The following PRDM2 variants were observed in gnomAD, a reference collection of about 807,000 sequenced individuals.
PRDM2 encodes the protein PR/SET domain 2.
Under a neutral mutation model 130.0 loss-of-function variants are expected in PRDM2, and 30 were observed. The ratio of observed to expected loss-of-function variants is 0.23; its 90% confidence interval spans 0.17 to 0.31. The LOEUF is 0.31. Ranked by LOEUF, PRDM2 falls within the 10% of genes least tolerant of loss-of-function variation. PRDM2 has a pLI of 1.00. For missense variants in PRDM2, 2,011 were observed against 2,108.4 expected, an observed-to-expected ratio of 0.95 and a Z score of 0.90; for synonymous variants, 871 against 782.4, an observed-to-expected ratio of 1.11 and a Z score of -1.89.
chr1:13,783,114 A>C, intron 8 of PRDM2: 1 of 645,444 alleles, frequency 1.5e-6, no homozygotes, highest in Admixed American at 2.7e-5. Context: ...AAAGTACTCT[A>C]AGAAAAGATG....
intron 3 of PRDM2, among the ~76,000 whole-genome samples, chr1:13,732,174 C>T (rs1346028536): frequency 6.6e-6 from 1 of 152,098 alleles, no homozygotes; most frequent in Non-Finnish European, 1.5e-5. Context: ...ATAGAAACAA[C>T]CCTAAGAATA....
intron 5 of PRDM2, among the ~76,000 whole-genome samples, chr1:13,743,663 T>C (rs1214633406): frequency 6.6e-6 from 1 of 152,242 alleles, no homozygotes; most frequent in Non-Finnish European, 1.5e-5. Context: ...AGCTTTGCAG[T>C]GTGCTGTGTT....
At chr1:13,764,988 G>A (rs903177498) in intron 6 of PRDM2, among the ~76,000 whole-genome samples, 2 of 152,192 alleles carry the variant, frequency 1.3e-5, no homozygotes, top group Non-Finnish European at 2.9e-5. Context: ...GGAAACTATA[G>A]AAAATGCATG....
Position 13,782,005 on chromosome 1 carries a change from A to G in PRDM2, c.4210A>G (p.Asn1404Asp). ...FRRMGQPKRLNFSVELSKMSS... is the reference protein window; with the variant it reads ...FRRMGQPKRLDFSVELSKMSS... ...ACGAATGGGACAGCCCAAAAGGCTTAACTTTAGTGTTGAGCTCAGCAAAAT... is the reference window on the plus strand; with the variant it reads ...ACGAATGGGACAGCCCAAAAGGCTTGACTTTAGTGTTGAGCTCAGCAAAAT... The change falls in exon 8 of 10, where the codon AAC (asparagine) becomes GAC (aspartate). Residue 1404 changes from asparagine to aspartate, a missense_variant. Asn to Asp is a conservative substitution (Grantham distance 23). This residue lies in a region of PRDM2 where 410 missense variants were observed against 395.9 expected (regional missense o/e 1.04). Transcript: ENST00000311066. 6.2e-7 allele frequency: 1 copy of G among 1,614,224 alleles called. No individual in the cohort carries two copies. The highest frequency in any genetic ancestry group is 8.5e-7 in the Non-Finnish European group (1 of 1,180,036).
In PRDM2 at chr1:13,812,951, G is replaced by C. The variant is rs946934724; in HGVS notation, c.5037-3476G>C. On this transcript the variant is annotated intron_variant, in intron 8 of 9. Coordinates refer to ENST00000311066, the MANE Select transcript of PRDM2 (RefSeq NM_001393986.1). ...CCGAGGCTCCGAGGCCGAGCGACAG[G>C]GAGTGGCTTACCCTGGGCCATACAG... Among the ~76,000 whole-genome samples the C allele has an allele frequency of 1.6e-4, 25 of 152,132 alleles. 1 individual carries two copies. Among genetic ancestry groups the C allele is most frequent in the Admixed American group, 5.9e-4 (9 of 15,278 alleles).
Position 13,780,888 on chromosome 1 carries a change from C to G in PRDM2, c.3093C>G (p.Pro1031=), listed in dbSNP as rs1372878421. 6.2e-7 allele frequency: 1 copy of G among 1,613,402 alleles called. No homozygotes were observed. Among genetic ancestry groups the G allele is most frequent in the East Asian group, 2.2e-5 (1 of 44,856 alleles). The stretch of plus-strand genomic sequence containing the variant: ...TGTCCCCAACAGTGTCCCCCTCTCC[C>G]TCTCCCATTCCTCCCGTGGAGCCCC... ...PILSPTVSPS[P]SPIPPVEPLM... is the part of the protein sequence containing the mutation. Residue 1031 remains proline, a synonymous_variant, in exon 8 of 10, where the codon CCC becomes CCG. Coordinates refer to ENST00000311066, the MANE Select transcript of PRDM2 (RefSeq NM_001393986.1).
Position 13,780,680 on chromosome 1 carries a change from C to A in PRDM2, c.2885C>A (p.Pro962His). ...QTPSLSSGQL[P>H]PLLIPTDPSS... ...CCCTCCCTTTCATCCGGTCAGCTGCCTCCTCTCTTGATCCCCACAGATCCC... is the reference window on the plus strand; with the variant it reads ...CCCTCCCTTTCATCCGGTCAGCTGCATCCTCTCTTGATCCCCACAGATCCC... The change falls in exon 8 of 10, where the codon CCT (proline) becomes CAT (histidine). Residue 962 changes from proline (P) to histidine (H), a missense_variant. Physicochemically the swap from Pro to His is moderately conservative, Grantham distance 77. This residue lies in a region of PRDM2 where 1,288 missense variants were observed against 1,237.7 expected (regional missense o/e 1.04). Coordinates refer to ENST00000311066, the MANE Select transcript of PRDM2 (RefSeq NM_001393986.1). 6.2e-7 allele frequency: 1 copy of A among 1,610,622 alleles called. No individual in the cohort carries two copies. Among genetic ancestry groups the A allele is most frequent in the Non-Finnish European group, 8.5e-7 (1 of 1,178,130 alleles).
intron 9 of PRDM2, among the ~76,000 whole-genome samples, chr1:13,818,132 G>A (rs894040266): frequency 6.6e-6 from 1 of 152,206 alleles, no homozygotes; most frequent in Non-Finnish European, 1.5e-5. Flanking sequence ...ATCCTGGTGG[G>A]TGTGACCAGG....
Position 13,823,196 on chromosome 1 carries a change from C to A in PRDM2, c.*61C>A, listed in dbSNP as rs756843208. 3.7e-6 allele frequency: 6 copies of A among 1,613,384 alleles called. No homozygotes were observed. The highest frequency in any genetic ancestry group is 5.1e-6 in the Non-Finnish European group (6 of 1,179,424). On this transcript the variant is annotated 3_prime_UTR_variant, in exon 10 of 10. Transcript: ENST00000311066. ...CCTGGAATCAGTGAAGCCAAAGGGACTGGCAGTCTGCCCTGCAGGGAGTAC... is the reference window on the plus strand; with the variant it reads ...CCTGGAATCAGTGAAGCCAAAGGGAATGGCAGTCTGCCCTGCAGGGAGTAC...
intron 9 of PRDM2, 131 bp downstream of exon 9, chr1:13,816,701 A>C (rs1645264357): frequency 8.0e-7 from 1 of 1,249,606 alleles, no homozygotes; most frequent in South Asian, 1.5e-5. Flanking sequence ...GGCACGGTGC[A>C]GGGCCTCCCT....
chr1:13,730,721 G>A (rs530624128), intron 2 of PRDM2, among the ~76,000 whole-genome samples: 2 of 152,322 alleles, frequency 1.3e-5, no homozygotes, highest in East Asian at 3.9e-4. Flanking sequence ...AAGCAGTATG[G>A]TGGCAGAGAT....
At chr1:13,792,168 T>C (rs749542157) in intron 8 of PRDM2, among the ~76,000 whole-genome samples, 3 of 152,230 alleles carry the variant, frequency 2.0e-5, no homozygotes, top group Non-Finnish European at 4.4e-5. Flanking sequence ...TATTTCCTTA[T>C]TCATGTTTAA....
chr1:13,779,674 G>A lies in PRDM2; in HGVS notation c.1879G>A (p.Glu627Lys). 1 of 1,614,058 alleles carries A rather than the reference G, an allele frequency of 6.2e-7. No homozygotes were observed. ...CCCTGTAACAGAAGATCTTCCTAAA[G>A]AGCCTTTGGGCAGCACAAATAGTGA... ...QVPVTEDLPK[E>K]PLGSTNSEAK... Residue 627 changes from glutamate (E) to lysine (K), a missense_variant, in exon 8 of 10, where the codon GAG (glutamate) becomes AAG (lysine). Glu to Lys is a moderately conservative substitution (Grantham distance 56, BLOSUM62 1). Coordinates refer to ENST00000311066, the MANE Select transcript of PRDM2 (RefSeq NM_001393986.1). The surrounding 1 kb of genome is among the most constrained non-coding windows in gnomAD (Gnocchi z 4.9).
At chr1:13,724,193 G>A (rs750509889) in intron 2 of PRDM2, among the ~76,000 whole-genome samples, 7 of 152,118 alleles carry the variant, frequency 4.6e-5, no homozygotes, top group Non-Finnish European at 8.8e-5. Context: ...TAAAGTATTG[G>A]GAACTTTTCT....
At chr1:13,793,293 CAATGGCT>C (rs1461988151) in intron 8 of PRDM2, among the ~76,000 whole-genome samples, 2 of 152,248 alleles carry the variant, frequency 1.3e-5, no homozygotes, top group Non-Finnish European at 1.5e-5. Flanking sequence ...AGTGAGGATC[CAATGGCT>C]GATGGCTGTG....
rs761320613 is a variant in PRDM2, at chr1:13,780,842, C to T, written c.3047C>T (p.Ala1016Val). 2 of 1,607,690 alleles carry T rather than the reference C, an allele frequency of 1.2e-6. No homozygotes were observed. Among genetic ancestry groups the T allele is most frequent in the Non-Finnish European group, 1.7e-6 (2 of 1,175,336 alleles). The change falls in exon 8 of 10, where the codon GCA (alanine) becomes GTA (valine). Residue 1016 changes from alanine (A) to valine (V), a missense_variant. Physicochemically the swap from Ala to Val is moderately conservative, Grantham distance 64. Coordinates refer to ENST00000311066, the MANE Select transcript of PRDM2 (RefSeq NM_001393986.1). ...CCCTCTCCACTCTCAAATGCCACCGCACAGTCCCCACTTCCAATTCTGTCC... is the reference window on the plus strand; with the variant it reads ...CCCTCTCCACTCTCAAATGCCACCGTACAGTCCCCACTTCCAATTCTGTCC... ...PCPSPLSNAT[A>V]QSPLPILSPT...
At chr1:13,758,566 T>A (rs962742824) in intron 6 of PRDM2, among the ~76,000 whole-genome samples, 1 of 152,192 alleles carries the variant, frequency 6.6e-6, no homozygotes, top group Non-Finnish European at 1.5e-5. Flanking sequence ...TCTTTAGCAT[T>A]TTTCTTTCTG....
intron 6 of PRDM2, among the ~76,000 whole-genome samples, chr1:13,763,837 G>C (rs1183872544): frequency 6.6e-6 from 1 of 152,032 alleles, no homozygotes; most frequent in East Asian, 1.9e-4. Context: ...GGAGCCACCT[G>C]CCAAAATCTG....
chr1:13,762,102 G>A (rs1189308088), intron 6 of PRDM2, among the ~76,000 whole-genome samples: 1 of 152,150 alleles, frequency 6.6e-6, no homozygotes, highest in Non-Finnish European at 1.5e-5. Context: ...CCTTACAATC[G>A]ATTCCATTTA....
Sources: gnomAD v4.1 joint callset for allele counts (sites outside exome capture counted in the v4.1 genomes callset) on GRCh38, gnomAD v4.1.1 for gene constraint, gnomAD v4.1.1 regional missense constraint, Gnocchi (gnomAD v3.1) non-coding constraint, MANE v1.5 for transcripts, NCBI Gene and HGNC (gene_info 2026-07-23, HGNC 2026-07-21) for gene names.